The following XPO7 variants were observed in gnomAD, a reference collection of about 807,000 sequenced individuals.
XPO7 encodes the protein exportin 7.
Under a neutral mutation model 144.3 loss-of-function variants are expected in XPO7, and 21 were observed. That is an observed-to-expected ratio of 0.15 (90% CI 0.10 to 0.21). XPO7 has a LOEUF of 0.21. Among genes scored for constraint, XPO7 ranks in the 10% least tolerant of loss-of-function variants. The probability of loss-of-function intolerance (pLI) is 1.00; values close to 1 mark genes in which losing one functional copy is unlikely to be tolerated. For synonymous variants in XPO7, 580 were observed against 499.6 expected (o/e 1.16, Z -2.15); for missense variants, 808 against 1,325.8 (o/e 0.61, Z 6.06).
intron 25 of XPO7, 114 bp downstream of exon 25, chr8:22,002,386 C>A: frequency 7.8e-7 from 1 of 1,281,918 alleles, no homozygotes; most frequent in Non-Finnish European, 1.1e-6. Flanking sequence ...GTTCCTGCTG[C>A]TGAGATGAAG....
intron 1 of XPO7, among the ~76,000 whole-genome samples, chr8:21,926,096 T>A (rs1810450791): frequency 6.6e-6 from 1 of 152,142 alleles, no homozygotes; most frequent in Non-Finnish European, 1.5e-5. Context: ...GAGAAATGAT[T>A]CTCACTTAAA....
Position 21,977,302 on chromosome 8 carries a change from C to T in XPO7, c.764-468C>T, listed in dbSNP as rs149655699. Reference sequence around the variant, plus strand: ...GTACTTTCAAAAAAAGAAAAGAGGCCGGGCGTGGTGGCTCACGCCTGTAAT... The same window carrying T: ...GTACTTTCAAAAAAAGAAAAGAGGCTGGGCGTGGTGGCTCACGCCTGTAAT... On this transcript the variant is annotated intron_variant, in intron 7 of 27. Coordinates refer to ENST00000252512, the MANE Select transcript of XPO7 (RefSeq NM_015024.5). Among the ~76,000 whole-genome samples, 129 of 152,244 alleles carry T rather than the reference C, an allele frequency of 8.5e-4. 1 individual carries two copies. The highest frequency in any genetic ancestry group is 2.9e-3 in the African/African-American group (120 of 41,560).
intron 1 of XPO7, among the ~76,000 whole-genome samples, 156 bp downstream of exon 1, chr8:21,919,944 G>T (rs899979314): frequency 2.0e-5 from 3 of 151,466 alleles, no homozygotes; most frequent in Non-Finnish European, 4.4e-5. Context: ...CCGGAGCCCC[G>T]GGGCCTTTCC....
intron 1 of XPO7, among the ~76,000 whole-genome samples, chr8:21,939,481 A>G (rs1810923567): frequency 6.6e-6 from 1 of 152,118 alleles, no homozygotes; most frequent in African/African-American, 2.4e-5. Flanking sequence ...TCAGCCTCCC[A>G]AAGTGCTGGG....
intron 8 of XPO7, 50 bp downstream of exon 8, chr8:21,977,893 C>T (rs986612499): frequency 6.7e-7 from 1 of 1,501,472 alleles, no homozygotes. Flanking sequence ...TAGAAGATAG[C>T]AATGGTGAAT....
At chr8:21,925,984 C>T (rs574186588) in intron 1 of XPO7, among the ~76,000 whole-genome samples, 1 of 152,094 alleles carries the variant, frequency 6.6e-6, no homozygotes. Context: ...ATGCCCCAAA[C>T]AGTAACGAAA....
intron 1 of XPO7, among the ~76,000 whole-genome samples, chr8:21,950,460 G>A (rs550674692): frequency 6.6e-5 from 10 of 152,254 alleles, no homozygotes; most frequent in African/African-American, 2.4e-4. Context: ...AAATGAGTAA[G>A]ATTTGTTGGT....
At position 21,984,783 on chromosome 8, in the gene XPO7, A is replaced by C; in HGVS notation, c.1415A>C (p.Tyr472Ser). The change falls in exon 12 of 28, where the codon TAC becomes TCC. Residue 472 changes from tyrosine (Y) to serine (S), a missense_variant. Tyr to Ser is a moderately radical substitution (Grantham distance 144, BLOSUM62 -2). Around this residue, in one of 5 missense-constraint regions of XPO7, gnomAD observed 416 missense variants for 612.5 expected, o/e 0.68. Coordinates refer to ENST00000252512, the MANE Select transcript of XPO7 (RefSeq NM_015024.5). ...TTGTTTGACCAGTCGGCCCAGTCGT[A>C]CCAGGAGCTGCTACAGAGCGCCAGC... Reference protein sequence around the residue: ...VQLFDQSAQSYQELLQSASAS... With the variant: ...VQLFDQSAQSSQELLQSASAS... 6.2e-7 allele frequency: 1 copy of C among 1,613,984 alleles called. No homozygotes were observed. The highest frequency in any genetic ancestry group is 8.5e-7 in the Non-Finnish European group (1 of 1,179,886).
At chr8:21,995,158 G>A (rs1376961170) in intron 20 of XPO7, among the ~76,000 whole-genome samples, 14 of 151,972 alleles carry the variant, frequency 9.2e-5, no homozygotes, top group Non-Finnish European at 1.9e-4. Context: ...TCAAATCCAG[G>A]TGCCTCTTTA....
chr8:21,979,498 C>T (rs1346300401), intron 8 of XPO7, among the ~76,000 whole-genome samples: 2 of 151,176 alleles, frequency 1.3e-5, no homozygotes, highest in African/African-American at 4.9e-5. Context: ...GCCTCCGCCT[C>T]CCAGCTTCAA....
chr8:21,951,002 C>T (rs985470021), intron 1 of XPO7, among the ~76,000 whole-genome samples: 1 of 151,914 alleles, frequency 6.6e-6, no homozygotes, highest in East Asian at 1.9e-4. Context: ...GTAGTGCATG[C>T]CTGTAATCAC....
At chr8:21,968,751 TCC>T in intron 2 of XPO7, among the ~76,000 whole-genome samples, 1 of 152,356 alleles carries the variant, frequency 6.6e-6, no homozygotes, top group Non-Finnish European at 1.5e-5. Context: ...CTGAGCCTGT[TCC>T]TGTTTTATGG....
At chr8:21,974,609 A>T in intron 5 of XPO7, 61 bp from the exon 6 acceptor site, 1 of 1,165,792 alleles carries the variant, frequency 8.6e-7, no homozygotes, top group Non-Finnish European at 1.2e-6. Flanking sequence ...TAGGAAGTCT[A>T]CATGAAAAAT....
intron 13 of XPO7, among the ~76,000 whole-genome samples, chr8:21,986,002 A>G (rs1294332134): frequency 2.0e-5 from 3 of 152,240 alleles, no homozygotes; most frequent in African/African-American, 7.2e-5. Context: ...CCATCCCAAA[A>G]TAAGTCTAAA....
intron 1 of XPO7, among the ~76,000 whole-genome samples, chr8:21,963,044 A>G (rs1811774542): frequency 6.6e-6 from 1 of 152,200 alleles, no homozygotes; most frequent in African/African-American, 2.4e-5. Flanking sequence ...GGGTTTGTGA[A>G]AAGGGTGAAA....
rs140023562 is a variant in XPO7 at position 21,930,853 on chromosome 8, C to G, written c.18+11065C>G. Among the ~76,000 whole-genome samples the G allele has an allele frequency of 2.2e-3, 337 of 152,246 alleles. 1 individual carries two copies. The highest frequency in any genetic ancestry group is 7.5e-3 in the African/African-American group (310 of 41,534). On this transcript the variant is annotated intron_variant, in intron 1 of 27. Coordinates refer to ENST00000252512, the MANE Select transcript of XPO7 (RefSeq NM_015024.5). ...AATAGCCTTTAGATGTTGTAAATAT[C>G]TCAGATGTCAGATACTGTTGCCCAA...
chr8:21,989,175 A>G, intron 16 of XPO7, 92 bp downstream of exon 16: 3 of 1,206,022 alleles, frequency 2.5e-6, no homozygotes, highest in Middle Eastern at 3.8e-4. Flanking sequence ...ACTTCAGTTT[A>G]GCTGTAGTGT....
At chr8:21,970,109 G>A (rs756397007) in intron 3 of XPO7, 35 bp from the exon 4 acceptor site, 8 of 1,594,248 alleles carry the variant, frequency 5.0e-6, no homozygotes, top group Non-Finnish European at 6.8e-6. Context: ...TTTCTATTAT[G>A]TGGATTGGTT....
intron 1 of XPO7, among the ~76,000 whole-genome samples, chr8:21,928,194 CTT>C (rs1810525426): frequency 6.6e-6 from 1 of 152,194 alleles, no homozygotes; most frequent in African/African-American, 2.4e-5. Flanking sequence ...ACTGTATACT[CTT>C]GTTTTCTGAC....
Sources: allele counts gnomAD v4.1 joint callset (sites outside exome capture counted in the v4.1 genomes callset), GRCh38; gene constraint gnomAD v4.1.1; regional missense constraint gnomAD v4.1.1; transcripts MANE v1.5; gene names NCBI Gene and HGNC (gene_info 2026-07-23, HGNC 2026-07-21).